CRADD: variants seen among roughly 807,000 people sequenced by gnomAD.
CRADD encodes death domain-containing protein CRADD.
Under a neutral mutation model 15.5 loss-of-function variants are expected in CRADD, and 9 were observed. The observed-to-expected ratio is 0.58, with a 90% CI of 0.35 to 1.01. The LOEUF (loss-of-function observed/expected upper bound fraction) is 1.01, where lower values mean the gene tolerates loss of function less well. Ranked by LOEUF, CRADD falls within the 50% of genes least tolerant of loss-of-function variation. CRADD has a pLI of 0.02. For missense variants in CRADD, 227 were observed against 250.3 expected, an observed-to-expected ratio of 0.91 and a Z score of 0.63; for synonymous variants, 118 against 107.6, an observed-to-expected ratio of 1.10 and a Z score of -0.60.
At chr12:93,870,919 G>A (rs953741079) in intron 2 of CRADD, among the ~76,000 whole-genome samples, 1 of 152,100 alleles carries the variant, frequency 6.6e-6, no homozygotes, top group Non-Finnish European at 1.5e-5. Flanking sequence ...AGATGATAGT[G>A]GACAACAATT....
intron 2 of CRADD, chr12:93,894,038 T>A: frequency 1.4e-6 from 1 of 702,590 alleles, no homozygotes; most frequent in South Asian, 1.5e-5. Flanking sequence ...CTTCTCTTTC[T>A]TCTCATTTTA....
At chr12:93,784,694 G>A (rs570200887) in intron 2 of CRADD, among the ~76,000 whole-genome samples, 61 of 152,190 alleles carry the variant, frequency 4.0e-4, no homozygotes, top group African/African-American at 1.5e-3. Context: ...ATCTCTGGCC[G>A]AGTTGATATT....
At chr12:93,742,735 C>T (rs1363120233) in intron 2 of CRADD, among the ~76,000 whole-genome samples, 1 of 152,176 alleles carries the variant, frequency 6.6e-6, no homozygotes, top group East Asian at 1.9e-4. Flanking sequence ...CGACTGCCCG[C>T]CTCCCACTGT....
intron 2 of CRADD, among the ~76,000 whole-genome samples, chr12:93,806,718 C>T (rs1957543693): frequency 6.6e-6 from 1 of 152,012 alleles, no homozygotes; most frequent in South Asian, 2.1e-4. Context: ...GAAGACATTA[C>T]ATGTTTCATA....
chr12:93,730,323 T>A (rs1174307868), intron 2 of CRADD, among the ~76,000 whole-genome samples: 1 of 152,102 alleles, frequency 6.6e-6, no homozygotes, highest in East Asian at 1.9e-4. Flanking sequence ...AAAAAGAAAA[T>A]TCAGTGAAAG....
intron 2 of CRADD, among the ~76,000 whole-genome samples, chr12:93,822,895 C>T (rs909751825): frequency 6.6e-6 from 1 of 152,182 alleles, no homozygotes; most frequent in Non-Finnish European, 1.5e-5. Context: ...TGTGCAATTG[C>T]TCCAAAATGG....
At chr12:93,777,166 G>A (rs1372451978) in intron 2 of CRADD, among the ~76,000 whole-genome samples, 2 of 152,208 alleles carry the variant, frequency 1.3e-5, no homozygotes, top group African/African-American at 4.8e-5. Context: ...TAGCCAGCGA[G>A]CCAGGCAAGG....
chr12:93,840,664 C>T (rs1958036310), intron 2 of CRADD, among the ~76,000 whole-genome samples: 1 of 151,750 alleles, frequency 6.6e-6, no homozygotes, highest in South Asian at 2.1e-4. Context: ...CTTCCTGGGT[C>T]CAAGCGATTC....
chr12:93,687,924 G>T (rs967685898), intron 2 of CRADD, among the ~76,000 whole-genome samples: 34 of 152,170 alleles, frequency 2.2e-4, no homozygotes, highest in African/African-American at 8.2e-4. Context: ...AATTGCTAGT[G>T]AATTTGAATT....
At chr12:93,842,630 T>C (rs1227926930) in intron 2 of CRADD, among the ~76,000 whole-genome samples, 2 of 152,134 alleles carry the variant, frequency 1.3e-5, no homozygotes, top group African/African-American at 4.8e-5. Context: ...TGAGAAACTT[T>C]CACAAAATGC....
intron 2 of CRADD, among the ~76,000 whole-genome samples, chr12:93,726,162 G>A (rs1303686577): frequency 7.6e-6 from 1 of 131,512 alleles, no homozygotes; most frequent in Non-Finnish European, 1.6e-5. Flanking sequence ...TGAGTGCAAT[G>A]GTGCAATCTC....
intron 2 of CRADD, among the ~76,000 whole-genome samples, chr12:93,700,304 G>A (rs528515398): frequency 3.3e-5 from 5 of 152,310 alleles, no homozygotes; most frequent in African/African-American, 9.6e-5. Flanking sequence ...GTACAGAGAA[G>A]CTGCCAGATT....
intron 2 of CRADD, among the ~76,000 whole-genome samples, chr12:93,736,273 A>G (rs373691305): frequency 6.6e-6 from 1 of 152,226 alleles, no homozygotes; most frequent in Non-Finnish European, 1.5e-5. Flanking sequence ...GGATGCTTAA[A>G]TAACAGTACA....
At chr12:93,770,307 C>T (rs182491048) in intron 2 of CRADD, among the ~76,000 whole-genome samples, 17 of 152,088 alleles carry the variant, frequency 1.1e-4, no homozygotes, top group Admixed American at 3.3e-4. Flanking sequence ...CCGTGTTAGC[C>T]AGGATGGTCT....
chr12:93,763,909 G>A (rs925908876), intron 2 of CRADD, among the ~76,000 whole-genome samples: 15 of 152,160 alleles, frequency 9.9e-5, no homozygotes, highest in African/African-American at 3.6e-4. Flanking sequence ...CCGCCTACCT[G>A]TGGCCTTCTT....
chr12:93,710,578 C>T (rs1956047381), intron 2 of CRADD, among the ~76,000 whole-genome samples: 2 of 152,122 alleles, frequency 1.3e-5, no homozygotes, highest in Non-Finnish European at 2.9e-5. Context: ...CTCTTGACCT[C>T]AGGTGATCCA....
intron 2 of CRADD, among the ~76,000 whole-genome samples, chr12:93,731,532 G>A (rs890570733): frequency 3.3e-5 from 5 of 152,148 alleles, no homozygotes; most frequent in African/African-American, 9.7e-5. Context: ...GTTTGCCAGC[G>A]ACTTGGTTTA....
intron 2 of CRADD, among the ~76,000 whole-genome samples, chr12:93,773,576 G>C (rs1182360962): frequency 6.6e-6 from 1 of 152,046 alleles, no homozygotes; most frequent in East Asian, 1.9e-4. Context: ...GTTATTTCCT[G>C]CTGGAAGAAA....
intron 2 of CRADD, among the ~76,000 whole-genome samples, chr12:93,881,333 TG>T (rs1165602702): frequency 6.6e-6 from 1 of 151,790 alleles, no homozygotes; most frequent in Non-Finnish European, 1.5e-5. Flanking sequence ...ATTTTGTGGC[TG>T]GTTTCTTTTA....
Sources: allele counts gnomAD v4.1 joint callset (sites outside exome capture counted in the v4.1 genomes callset), GRCh38; gene constraint gnomAD v4.1.1; transcripts MANE v1.5; gene names NCBI Gene and HGNC (gene_info 2026-07-23, HGNC 2026-07-21).